The following BBS9 variants were observed in gnomAD, a reference collection of about 807,000 sequenced individuals.
BBS9 encodes protein PTHB1.
Under a neutral mutation model 117.7 loss-of-function variants are expected in BBS9, and 89 were observed. The observed-to-expected ratio is 0.76, with a 90% CI of 0.64 to 0.90. The LOEUF is 0.90. Among genes scored for constraint, BBS9 ranks in the 40% least tolerant of loss-of-function variants. BBS9 has a pLI of 0.00. For synonymous variants in BBS9, 379 were observed against 370.9 expected, an observed-to-expected ratio of 1.02 and a Z score of -0.25; for missense variants, 982 against 1,042.2, an observed-to-expected ratio of 0.94 and a Z score of 0.80.
At chr7:33,383,205 A>G (rs985052708) in intron 17 of BBS9, among the ~76,000 whole-genome samples, 3 of 152,222 alleles carry the variant, frequency 2.0e-5, no homozygotes, top group African/African-American at 7.2e-5. Flanking sequence ...AAAAATAGAA[A>G]GCTTTGATCA....
chr7:33,164,920 G>C (rs1209524740), intron 4 of BBS9, among the ~76,000 whole-genome samples: 1 of 152,118 alleles, frequency 6.6e-6, no homozygotes, highest in Admixed American at 6.5e-5. Flanking sequence ...TTTCTTCCTA[G>C]CATCGATGGT....
intron 9 of BBS9, among the ~76,000 whole-genome samples, chr7:33,304,486 C>G (rs377212094): frequency 2.0e-5 from 3 of 150,040 alleles, no homozygotes; most frequent in Non-Finnish European, 3.0e-5. Flanking sequence ...AAATGAGGAG[C>G]GCCTCTGCCT....
rs914828910 is a variant in BBS9, at chr7:33,364,858, A to G, written c.1694-2909A>G. Among the ~76,000 whole-genome samples the G allele has an allele frequency of 5.4e-4, 81 of 150,742 alleles. 1 individual carries two copies. The highest frequency in any genetic ancestry group is 1.8e-3 in the African/African-American group (73 of 40,958). On this transcript the variant is annotated intron_variant, in intron 16 of 22. Coordinates refer to ENST00000242067, the MANE Select transcript of BBS9 (RefSeq NM_198428.3). ...ATCCTCCGACCTCAGCCTCCCAAGTAGCTGGGACTACAGGTGCATGCCATC... is the reference window on the plus strand; with the variant it reads ...ATCCTCCGACCTCAGCCTCCCAAGTGGCTGGGACTACAGGTGCATGCCATC...
At chr7:33,364,381 T>C (rs923268825) in intron 16 of BBS9, among the ~76,000 whole-genome samples, 11 of 152,086 alleles carry the variant, frequency 7.2e-5, no homozygotes, top group Non-Finnish European at 1.5e-4. Flanking sequence ...TCCCCCCACA[T>C]TTTATGTTTT....
chr7:33,533,656 A>G, intron 20 of BBS9: 1 of 442,164 alleles, frequency 2.3e-6, no homozygotes, highest in South Asian at 2.4e-5. Flanking sequence ...TCATTACTCT[A>G]TGCCTGGCTC....
At chr7:33,374,691 C>CG (rs1823499880) in intron 17 of BBS9, among the ~76,000 whole-genome samples, 1 of 151,912 alleles carries the variant, frequency 6.6e-6, no homozygotes, top group African/African-American at 2.4e-5. Context: ...CACCTAAGGT[C>CG]GGGAGTTAGA....
At chr7:33,337,222 A>C (rs1359732086) in intron 10 of BBS9, among the ~76,000 whole-genome samples, 3 of 151,506 alleles carry the variant, frequency 2.0e-5, no homozygotes, top group Non-Finnish European at 4.4e-5. Context: ...AAAGGGTATA[A>C]TTTTTTTTTG....
intron 5 of BBS9, among the ~76,000 whole-genome samples, chr7:33,225,714 T>C (rs1209547658): frequency 6.6e-6 from 1 of 151,572 alleles, no homozygotes; most frequent in East Asian, 1.9e-4. Context: ...TTTTTTTTTT[T>C]TTGTGGGAAA....
chr7:33,325,759 C>T (rs1812690379), intron 9 of BBS9, among the ~76,000 whole-genome samples: 2 of 152,146 alleles, frequency 1.3e-5, no homozygotes, highest in Admixed American at 6.5e-5. Flanking sequence ...CCTTGGTGGA[C>T]TTGGTTGAGA....
chr7:33,258,485 C>G (rs1797447290), intron 6 of BBS9, among the ~76,000 whole-genome samples: 1 of 152,118 alleles, frequency 6.6e-6, no homozygotes, highest in African/African-American at 2.4e-5. Context: ...CAGAATTTAA[C>G]CGATTTAGGA....
At chr7:33,552,115 C>A (rs1324836575) in intron 21 of BBS9, among the ~76,000 whole-genome samples, 1 of 152,036 alleles carries the variant, frequency 6.6e-6, no homozygotes, top group Non-Finnish European at 1.5e-5. Flanking sequence ...AAAGAATTTT[C>A]ATATTATTGT....
rs139269190 is a variant in BBS9 at position 33,505,572 on chromosome 7, A to C, written c.2225A>C (p.Gln742Pro). ...GTGATTCTGCTGATCGCGCTGTGGC[A>C]GAAGCTTAGTGCTGACCAGGTTGCT... The part of the protein sequence containing the change: ...HLVILLIALW[Q>P]KLSADQVAIL... The change falls in exon 20 of 23, where the codon CAG (glutamine) becomes CCG (proline). Residue 742 changes from glutamine (Q) to proline (P), a missense_variant. Coordinates refer to ENST00000242067, the MANE Select transcript of BBS9 (RefSeq NM_198428.3). The C allele has an allele frequency of 1.2e-6, 2 of 1,614,006 alleles. No individual in the cohort carries two copies. Among genetic ancestry groups the C allele is most frequent in the African/African-American group, 2.7e-5 (2 of 74,926 alleles).
chr7:33,529,160 A>T (rs1427096480), intron 20 of BBS9, among the ~76,000 whole-genome samples: 1 of 152,206 alleles, frequency 6.6e-6, no homozygotes, highest in Non-Finnish European at 1.5e-5. Flanking sequence ...CAGCAATCAC[A>T]CTGGTACACA....
At chr7:33,253,005 A>G (rs35665200) in intron 5 of BBS9, among the ~76,000 whole-genome samples, 21,877 of 152,140 alleles carry the variant, frequency 0.14, 1,853 homozygotes, top group Non-Finnish European at 0.19. Flanking sequence ...ATCTTGCACC[A>G]CTTTACCATA....
At chr7:33,264,501 G>C in intron 7 of BBS9, 127 bp downstream of exon 7, 1 of 552,432 alleles carries the variant, frequency 1.8e-6, no homozygotes, top group South Asian at 3.4e-5. Context: ...CTATATTATG[G>C]TTATATTAAT....
At chr7:33,590,457 T>C (rs1248135327) in intron 21 of BBS9, among the ~76,000 whole-genome samples, 5 of 93,738 alleles carry the variant, frequency 5.3e-5, no homozygotes, top group African/African-American at 9.2e-5. Flanking sequence ...TTTTGTTTTT[T>C]TGTTTTTTTT....
At chr7:33,556,829 G>A (rs896045423) in intron 21 of BBS9, among the ~76,000 whole-genome samples, 1 of 152,120 alleles carries the variant, frequency 6.6e-6, no homozygotes, top group Non-Finnish European at 1.5e-5. Context: ...GGTACAAAAG[G>A]GCAGTTTGAA....
chr7:33,302,810 G>T (rs1209195552), intron 9 of BBS9, among the ~76,000 whole-genome samples: 3 of 152,050 alleles, frequency 2.0e-5, no homozygotes, highest in Non-Finnish European at 4.4e-5. Context: ...TTCCATTTCT[G>T]TGAAGAATGT....
At chr7:33,519,402 A>G (rs990575148) in intron 20 of BBS9, among the ~76,000 whole-genome samples, 2 of 152,178 alleles carry the variant, frequency 1.3e-5, no homozygotes, top group Admixed American at 6.5e-5. Context: ...AGTGCCTGCA[A>G]TGAGTGTTTG....
Sources: gnomAD v4.1 joint callset for allele counts (sites outside exome capture counted in the v4.1 genomes callset) on GRCh38, gnomAD v4.1.1 for gene constraint, MANE v1.5 for transcripts, NCBI Gene and HGNC (gene_info 2026-07-23, HGNC 2026-07-21) for gene names.